KIAA1328: variants seen among roughly 807,000 people sequenced by gnomAD.
The protein encoded by KIAA1328 is protein hinderin.
In KIAA1328, 52 loss-of-function variants were observed where a neutral mutation model predicts 68.1. The observed-to-expected ratio is 0.76, with a 90% CI of 0.61 to 0.96. The LOEUF (loss-of-function observed/expected upper bound fraction) is 0.96, where lower values mean the gene tolerates loss of function less well. KIAA1328 is among the 40% of genes least tolerant of loss of function. The probability of loss-of-function intolerance (pLI) is 0.00; values close to 1 mark genes in which losing one functional copy is unlikely to be tolerated. For missense variants in KIAA1328, 641 were observed against 677.6 expected, an observed-to-expected ratio of 0.95 and a Z score of 0.60; for synonymous variants, 232 against 239.4, an observed-to-expected ratio of 0.97 and a Z score of 0.28.
At chr18:37,187,822 T>C (rs776865033) in intron 9 of KIAA1328, among the ~76,000 whole-genome samples, 1 of 152,140 alleles carries the variant, frequency 6.6e-6, no homozygotes, top group Non-Finnish European at 1.5e-5. Flanking sequence ...CCGAGGGCTG[T>C]CTCTTTCCAA....
intron 7 of KIAA1328, among the ~76,000 whole-genome samples, chr18:37,105,687 A>C (rs538868198): frequency 6.3e-4 from 96 of 151,748 alleles, no homozygotes; most frequent in African/African-American, 2.3e-3. Context: ...GCAATTTTGG[A>C]GGCCAAGTTG....
intron 5 of KIAA1328, among the ~76,000 whole-genome samples, chr18:36,932,504 G>A (rs1464727792): frequency 2.0e-5 from 3 of 152,178 alleles, no homozygotes; most frequent in Admixed American, 6.5e-5. Context: ...GATTACAGAC[G>A]TGAGCCTCTG....
chr18:37,084,625 C>T (rs1004227941), intron 7 of KIAA1328, among the ~76,000 whole-genome samples: 4 of 151,922 alleles, frequency 2.6e-5, no homozygotes, highest in Non-Finnish European at 4.4e-5. Flanking sequence ...TCAACAAATA[C>T]GTATTGCTTG....
intron 5 of KIAA1328, among the ~76,000 whole-genome samples, chr18:36,909,992 T>A (rs1036653598): frequency 9.9e-5 from 15 of 152,214 alleles, no homozygotes; most frequent in Middle Eastern, 3.2e-3. Flanking sequence ...TTTTTTTGTG[T>A]AAATTTGTTT....
At chr18:37,169,639 A>G (rs1346762783) in intron 8 of KIAA1328, among the ~76,000 whole-genome samples, 1 of 152,242 alleles carries the variant, frequency 6.6e-6, no homozygotes, top group African/African-American at 2.4e-5. Context: ...AAATACAATT[A>G]AAAGCTGATG....
At chr18:36,975,971 T>C (rs1367687340) in intron 6 of KIAA1328, among the ~76,000 whole-genome samples, 1 of 152,194 alleles carries the variant, frequency 6.6e-6, no homozygotes, top group Admixed American at 6.5e-5. Flanking sequence ...ATTAGGCATG[T>C]CATGGGATAT....
intron 8 of KIAA1328, among the ~76,000 whole-genome samples, chr18:37,163,256 G>A (rs1255401134): frequency 6.6e-6 from 1 of 152,220 alleles, no homozygotes; most frequent in South Asian, 2.1e-4. Flanking sequence ...AGCAGAGGCT[G>A]TGAAGCCACT....
At chr18:37,162,049 C>A (rs2059291471) in intron 8 of KIAA1328, among the ~76,000 whole-genome samples, 1 of 152,178 alleles carries the variant, frequency 6.6e-6, no homozygotes, top group South Asian at 2.1e-4. Flanking sequence ...GGGTTCAGAA[C>A]CCATTACTTT....
At chr18:36,893,051 T>C (rs2048741873) in intron 5 of KIAA1328, among the ~76,000 whole-genome samples, 1 of 152,052 alleles carries the variant, frequency 6.6e-6, no homozygotes, top group Non-Finnish European at 1.5e-5. Flanking sequence ...TAAAAAAAAG[T>C]CAAAATTATT....
intron 9 of KIAA1328, among the ~76,000 whole-genome samples, chr18:37,192,899 G>A (rs2059932858): frequency 1.3e-5 from 2 of 152,154 alleles, no homozygotes; most frequent in Non-Finnish European, 2.9e-5. Context: ...TATATCTGTA[G>A]CTTTGTCTGC....
chr18:36,880,431 A>G (rs2150964653), intron 4 of KIAA1328, among the ~76,000 whole-genome samples: 1 of 152,294 alleles, frequency 6.6e-6, no homozygotes, highest in African/African-American at 2.4e-5. Flanking sequence ...CGTTGGTCTC[A>G]CTGGAGCTGC....
intron 7 of KIAA1328, among the ~76,000 whole-genome samples, chr18:37,083,439 T>C (rs766799266): frequency 6.6e-6 from 1 of 152,240 alleles, no homozygotes; most frequent in Non-Finnish European, 1.5e-5. Flanking sequence ...AAGAATATAC[T>C]TTTACAGATA....
chr18:37,165,099 C>A (rs972438550), intron 8 of KIAA1328, among the ~76,000 whole-genome samples: 3 of 152,106 alleles, frequency 2.0e-5, no homozygotes, highest in African/African-American at 7.2e-5. Flanking sequence ...GGACACCAGT[C>A]ACTCTCAGGC....
At chr18:37,029,662 A>T (rs1325589205) in intron 6 of KIAA1328, among the ~76,000 whole-genome samples, 2 of 152,106 alleles carry the variant, frequency 1.3e-5, no homozygotes, top group Non-Finnish European at 2.9e-5. Context: ...ATCTATATTT[A>T]TATGGGATAT....
intron 7 of KIAA1328, among the ~76,000 whole-genome samples, chr18:37,098,333 A>T (rs1028642063): frequency 6.6e-6 from 1 of 152,130 alleles, no homozygotes; most frequent in Non-Finnish European, 1.5e-5. Flanking sequence ...TGAGATAATC[A>T]TGTGTTTTTT....
chr18:37,053,994 A>G (rs1473457497), intron 6 of KIAA1328, among the ~76,000 whole-genome samples: 1 of 152,218 alleles, frequency 6.6e-6, no homozygotes, highest in Non-Finnish European at 1.5e-5. Context: ...AAGTAGGCAA[A>G]CGACATGAAC....
intron 5 of KIAA1328, among the ~76,000 whole-genome samples, chr18:36,891,381 C>A (rs2048680505): frequency 6.6e-6 from 1 of 152,106 alleles, no homozygotes; most frequent in Non-Finnish European, 1.5e-5. Flanking sequence ...TAACTGATTT[C>A]TGAGATTTTG....
chr18:37,167,625 G>A (rs989397124), intron 8 of KIAA1328, among the ~76,000 whole-genome samples: 3 of 152,010 alleles, frequency 2.0e-5, no homozygotes, highest in Non-Finnish European at 4.4e-5. Context: ...CGCTCCTCTC[G>A]ATGTCCAGCT....
chr18:37,118,296 A>G (rs888347352), intron 7 of KIAA1328, among the ~76,000 whole-genome samples: 1 of 152,134 alleles, frequency 6.6e-6, no homozygotes, highest in Non-Finnish European at 1.5e-5. Flanking sequence ...CACCCAGCCT[A>G]TAATAACTTT....
Sources: allele counts gnomAD v4.1 joint callset (sites outside exome capture counted in the v4.1 genomes callset), GRCh38; gene constraint gnomAD v4.1.1; transcripts MANE v1.5; gene names NCBI Gene and HGNC (gene_info 2026-07-23, HGNC 2026-07-21).